FHIT: variants seen among roughly 807,000 people sequenced by gnomAD.
FHIT encodes the protein fragile histidine triad diadenosine triphosphatase, also known as bis(5'-adenosyl)-triphosphatase.
In FHIT, 19 loss-of-function variants were observed where a neutral mutation model predicts 17.9. The observed-to-expected ratio is 1.06, with a 90% CI of 0.74 to 1.56. FHIT has a LOEUF of 1.56. FHIT is among the 40% of genes most tolerant of loss of function. The probability of loss-of-function intolerance (pLI) is 0.00; values close to 1 mark genes in which losing one functional copy is unlikely to be tolerated. For missense variants in FHIT, 248 were observed against 189.2 expected, an observed-to-expected ratio of 1.31 and a Z score of -1.82; for synonymous variants, 81 against 69.7, an observed-to-expected ratio of 1.16 and a Z score of -0.81.
chr3:60,211,978 C>T (rs1703472803), intron 5 of FHIT, among the ~76,000 whole-genome samples: 1 of 152,194 alleles, frequency 6.6e-6, no homozygotes, highest in African/African-American at 2.4e-5. Context: ...AGCATGTTCT[C>T]ATGCATCGAT....
At chr3:60,029,881 GTGTGTGTGTGTGTGTC>G (rs1435132679) in intron 5 of FHIT, among the ~76,000 whole-genome samples, 6 of 98,090 alleles carry the variant, frequency 6.1e-5, no homozygotes, top group Admixed American at 5.0e-4. Flanking sequence ...TAGAAGCATT[GTGTGTGTGTGTGTGTC>G]TGTGTGTGTG....
chr3:60,825,174 A>C (rs1702070317), intron 3 of FHIT, among the ~76,000 whole-genome samples: 1 of 152,220 alleles, frequency 6.6e-6, no homozygotes, highest in Admixed American at 6.5e-5. Context: ...CAGTACACAT[A>C]TGCCACGGCA....
intron 8 of FHIT, among the ~76,000 whole-genome samples, chr3:59,907,670 G>A (rs1704649280): frequency 6.6e-6 from 1 of 152,218 alleles, no homozygotes; most frequent in South Asian, 2.1e-4. Context: ...CCCCCAGGCT[G>A]AATCCTGAGG....
intron 4 of FHIT, among the ~76,000 whole-genome samples, chr3:60,605,017 A>G (rs1553670547): frequency 6.6e-6 from 1 of 152,020 alleles, no homozygotes; most frequent in Non-Finnish European, 1.5e-5. Context: ...TCATGTCTAA[A>G]CCATTCACAT....
At chr3:60,865,210 A>G (rs1312582176) in intron 3 of FHIT, among the ~76,000 whole-genome samples, 1 of 152,240 alleles carries the variant, frequency 6.6e-6, no homozygotes, top group Non-Finnish European at 1.5e-5. Context: ...GAAAAAAATC[A>G]TAGGTATTTG....
intron 8 of FHIT, among the ~76,000 whole-genome samples, chr3:59,907,786 T>C (rs1704655410): frequency 6.6e-6 from 1 of 152,238 alleles, no homozygotes; most frequent in South Asian, 2.1e-4. Context: ...AGGTCAGATG[T>C]CCAAAATGGG....
intron 5 of FHIT, among the ~76,000 whole-genome samples, chr3:60,199,073 G>A (rs765086069): frequency 6.6e-6 from 1 of 152,148 alleles, no homozygotes; most frequent in African/African-American, 2.4e-5. Flanking sequence ...AAAAGGCTTG[G>A]TGCTTCATTA....
chr3:60,732,287 G>C (rs1433424352), intron 4 of FHIT: 2 of 943,070 alleles, frequency 2.1e-6, no homozygotes, highest in East Asian at 2.4e-5. Flanking sequence ...ACTGAGTCTT[G>C]GCAGGGCACA....
At chr3:59,922,675 C>T (rs2276733) in intron 7 of FHIT, among the ~76,000 whole-genome samples, 10,391 of 152,136 alleles carry the variant, frequency 0.068, 712 homozygotes, top group East Asian at 0.33. Context: ...TGGAATTATT[C>T]ATGGTTGTCA....
At chr3:60,149,884 A>T (rs1265835154) in intron 5 of FHIT, among the ~76,000 whole-genome samples, 1 of 150,802 alleles carries the variant, frequency 6.6e-6, no homozygotes, top group Non-Finnish European at 1.5e-5. Flanking sequence ...AGCTATAATG[A>T]AAGAGTTGTA....
intron 4 of FHIT, among the ~76,000 whole-genome samples, chr3:60,804,887 A>G (rs1701329872): frequency 6.6e-6 from 1 of 151,976 alleles, no homozygotes; most frequent in African/African-American, 2.4e-5. Flanking sequence ...GAATCCCTGC[A>G]CTCTTGGCAT....
chr3:61,154,769 C>A (rs2037488517), intron 2 of FHIT, among the ~76,000 whole-genome samples: 1 of 152,194 alleles, frequency 6.6e-6, no homozygotes, highest in Non-Finnish European at 1.5e-5. Flanking sequence ...AGGTGGAAAA[C>A]CAAAATGCTG....
In FHIT at chr3:60,687,148, C is replaced by T. The variant is rs570364442; in HGVS notation, c.-18+134771G>A. ...CCAGTAAATATCTTGTATTATGCTGCGTAAGCTCCTCCTATTTCTAGCTCA... is the reference window on the plus strand; with the variant it reads ...CCAGTAAATATCTTGTATTATGCTGTGTAAGCTCCTCCTATTTCTAGCTCA... On this transcript the variant is annotated intron_variant, in intron 4 of 9. Coordinates refer to ENST00000492590, the MANE Select transcript of FHIT (RefSeq NM_002012.4). 3.2e-4 allele frequency among the ~76,000 whole-genome samples: 48 copies of T among 152,256 alleles called. No individual in the cohort carries two copies. In the South Asian group the frequency reaches 3.3e-3, roughly 11 times the overall value.
Position 59,993,424 on chromosome 3 carries a change from A to G in FHIT, c.279+17947T>C, listed in dbSNP as rs1278378539. 3.3e-5 allele frequency among the ~76,000 whole-genome samples: 5 copies of G among 152,158 alleles called. 1 individual carries two copies. The South Asian group carries it at 6.2e-4, about 19-fold the overall frequency. ...GTATGGGTACTCTAAAATAACACCA[A>G]TGTGAGTGTAGAATGCATTTCTCAT... On this transcript the variant is annotated intron_variant, in intron 7 of 9. Transcript: ENST00000492590.
intron 3 of FHIT, among the ~76,000 whole-genome samples, chr3:61,018,337 G>A (rs1017698189): frequency 6.6e-6 from 1 of 152,188 alleles, no homozygotes. Context: ...AGATGAAGGA[G>A]AATTCTAGAA....
intron 5 of FHIT, among the ~76,000 whole-genome samples, chr3:60,162,829 G>T (rs1019334641): frequency 1.3e-5 from 2 of 152,078 alleles, no homozygotes; most frequent in African/African-American, 4.8e-5. Flanking sequence ...GGCTTCCCTG[G>T]ATATTGAGAG....
At chr3:60,614,380 G>T (rs2038876024) in intron 4 of FHIT, among the ~76,000 whole-genome samples, 1 of 152,148 alleles carries the variant, frequency 6.6e-6, no homozygotes, top group Non-Finnish European at 1.5e-5. Context: ...GAGGTGGATG[G>T]ATGACCTGAG....
chr3:60,975,016 TAA>T (rs200614608), intron 3 of FHIT, among the ~76,000 whole-genome samples: 2,072 of 152,282 alleles, frequency 0.014, 25 homozygotes, highest in Middle Eastern at 0.048. Flanking sequence ...GGCTTTGGCT[TAA>T]GTTATGGTTA....
intron 5 of FHIT, among the ~76,000 whole-genome samples, chr3:60,330,797 A>G (rs1056247526): frequency 1.3e-5 from 2 of 152,314 alleles, no homozygotes; most frequent in Admixed American, 6.5e-5. Flanking sequence ...TTACAATTAC[A>G]TCTTGTCACC....
Sources: allele counts gnomAD v4.1 joint callset (sites outside exome capture counted in the v4.1 genomes callset), GRCh38; gene constraint gnomAD v4.1.1; transcripts MANE v1.5; gene names NCBI Gene and HGNC (gene_info 2026-07-23, HGNC 2026-07-21).